The following MYO1D variants were observed in gnomAD, a reference collection of about 807,000 sequenced individuals.
MYO1D encodes the protein unconventional myosin-Id.
Under a neutral mutation model 122.0 loss-of-function variants are expected in MYO1D, and 83 were observed. That is an observed-to-expected ratio of 0.68 (90% CI 0.57 to 0.82). MYO1D has a LOEUF of 0.82. Ranked by LOEUF, MYO1D falls within the 40% of genes least tolerant of loss-of-function variation. MYO1D has a pLI of 0.00. For missense variants in MYO1D, 1,157 were observed against 1,269.5 expected, an observed-to-expected ratio of 0.91 and a Z score of 1.35; for synonymous variants, 464 against 446.9, an observed-to-expected ratio of 1.04 and a Z score of -0.48.
chr17:32,823,292 C>T (rs2090691277), intron 1 of MYO1D, among the ~76,000 whole-genome samples: 1 of 152,148 alleles, frequency 6.6e-6, no homozygotes, highest in Admixed American at 6.5e-5. Flanking sequence ...AGTGAGCACC[C>T]AGGGTCAGGG....
chr17:32,506,080 A>T (rs568610767), intron 21 of MYO1D, among the ~76,000 whole-genome samples: 1 of 152,264 alleles, frequency 6.6e-6, no homozygotes, highest in Admixed American at 6.5e-5. Context: ...ATAAGACAAG[A>T]CTTTTTCAGA....
At chr17:32,663,391 C>T (rs1396752927) in intron 16 of MYO1D, among the ~76,000 whole-genome samples, 2 of 152,114 alleles carry the variant, frequency 1.3e-5, no homozygotes, top group African/African-American at 4.8e-5. Flanking sequence ...GGACTGGTGT[C>T]CATGGTTTAT....
intron 1 of MYO1D, among the ~76,000 whole-genome samples, chr17:32,798,127 C>T (rs968059149): frequency 6.6e-5 from 10 of 152,172 alleles, no homozygotes; most frequent in East Asian, 1.9e-4. Context: ...GTAGGAAAAC[C>T]GGAAAGTTTC....
At chr17:32,818,497 TC>T (rs972937254) in intron 1 of MYO1D, among the ~76,000 whole-genome samples, 6 of 152,068 alleles carry the variant, frequency 3.9e-5, no homozygotes, top group African/African-American at 4.8e-5. Context: ...GGCTCAAGGA[TC>T]AAAAAAATGG....
chr17:32,529,750 G>T (rs978982265), intron 21 of MYO1D: 3 of 152,296 alleles, frequency 2.0e-5, no homozygotes, highest in African/African-American at 7.2e-5. Flanking sequence ...GGCGGTGAGA[G>T]ATTTCCCGGA....
chr17:32,503,057 CCTT>C (rs1909371437), intron 21 of MYO1D, among the ~76,000 whole-genome samples: 1 of 152,198 alleles, frequency 6.6e-6, no homozygotes, highest in Non-Finnish European at 1.5e-5. Context: ...AAATTACTTT[CCTT>C]CATTTTTCAT....
intron 16 of MYO1D, among the ~76,000 whole-genome samples, chr17:32,705,213 G>A (rs2089291597): frequency 2.0e-5 from 3 of 152,060 alleles, no homozygotes; most frequent in East Asian, 1.9e-4. Context: ...TGTATACAGC[G>A]GGCTGACTGT....
intron 21 of MYO1D, among the ~76,000 whole-genome samples, chr17:32,544,827 C>A (rs928389625): frequency 3.3e-5 from 5 of 152,148 alleles, no homozygotes; most frequent in Non-Finnish European, 7.3e-5. Context: ...ATACTTACAA[C>A]CTTTACTATG....
chr17:32,661,655 CAAAA>C (rs11367680), intron 16 of MYO1D, among the ~76,000 whole-genome samples: 1 of 147,734 alleles, frequency 6.8e-6, no homozygotes, highest in Non-Finnish European at 1.5e-5. Context: ...GACCCTGTCC[CAAAA>C]AAAAAAAATA....
At chr17:32,656,160 G>A (rs146974090) in intron 17 of MYO1D, among the ~76,000 whole-genome samples, 1 of 152,292 alleles carries the variant, frequency 6.6e-6, no homozygotes, top group Admixed American at 6.5e-5. Flanking sequence ...GAGGTTGGAA[G>A]CAAACAGAGA....
At chr17:32,541,570 T>C (rs1910837597) in intron 21 of MYO1D, among the ~76,000 whole-genome samples, 1 of 152,234 alleles carries the variant, frequency 6.6e-6, no homozygotes, top group African/African-American at 2.4e-5. Flanking sequence ...GTGAATTGTA[T>C]GGTATGTGAA....
intron 1 of MYO1D, among the ~76,000 whole-genome samples, chr17:32,847,311 T>C (rs1239613937): frequency 6.6e-6 from 1 of 152,198 alleles, no homozygotes; most frequent in African/African-American, 2.4e-5. Flanking sequence ...GATTTTGGAA[T>C]CACAAGCATA....
Position 32,780,605 on chromosome 17 carries a change from C to G in MYO1D, c.275G>C (p.Arg92Pro), listed in dbSNP as rs779450199. 1 of 1,613,976 alleles carries G rather than the reference C, an allele frequency of 6.2e-7. No homozygotes were observed. The highest frequency in any genetic ancestry group is 8.5e-7 in the Non-Finnish European group (1 of 1,180,030). Residue 92 changes from arginine to proline, a missense_variant, in exon 2 of 22, where the codon CGA (arginine) becomes CCA (proline). By Grantham distance (103) the Arg-to-Pro change is moderately radical (BLOSUM62 -2). Coordinates refer to ENST00000318217, the MANE Select transcript of MYO1D (RefSeq NM_015194.3). ...TATCACAATACAAGTGTCTTTTGAT[C>G]GCCTCTTCATAGCCTTGTAAGCAGC... ...ADAAYKAMKR[R>P]SKDTCIVISG...
intron 14 of MYO1D, among the ~76,000 whole-genome samples, chr17:32,729,464 G>A (rs563028868): frequency 2.0e-5 from 3 of 152,210 alleles, no homozygotes; most frequent in East Asian, 1.9e-4. Context: ...AGCCAGGGAC[G>A]TCTACTTCTG....
intron 16 of MYO1D, among the ~76,000 whole-genome samples, chr17:32,674,770 T>C (rs1455882664): frequency 6.6e-6 from 1 of 152,176 alleles, no homozygotes; most frequent in South Asian, 2.1e-4. Context: ...CTGGCTCTTG[T>C]TGTAGGCATT....
intron 1 of MYO1D, among the ~76,000 whole-genome samples, chr17:32,839,540 T>C (rs549557052): frequency 1.6e-4 from 24 of 152,252 alleles, no homozygotes; most frequent in African/African-American, 5.8e-4. Flanking sequence ...GCTGTGAACC[T>C]GGAAACACTG....
At position 32,756,714 on chromosome 17, in the gene MYO1D, T is replaced by A. The variant is rs535060446; in HGVS notation, c.1297-1052A>T. Among the ~76,000 whole-genome samples the A allele has an allele frequency of 2.2e-4, 34 of 152,210 alleles. No individual in the cohort carries two copies. The South Asian group carries it at 6.6e-3, about 30-fold the overall frequency. ...ACAATTTGAAAAAATTCAGTAGAAT[T>A]TTTACATTTTTCTAGGCATAATATA... On this transcript the variant is annotated intron_variant, in intron 10 of 21. Coordinates refer to ENST00000318217, the MANE Select transcript of MYO1D (RefSeq NM_015194.3).
At chr17:32,636,904 G>A (rs914338665) in intron 20 of MYO1D, among the ~76,000 whole-genome samples, 2 of 152,246 alleles carry the variant, frequency 1.3e-5, no homozygotes, top group East Asian at 1.9e-4. Context: ...AATATGGTAT[G>A]GGAATACGAG....
intron 1 of MYO1D, among the ~76,000 whole-genome samples, chr17:32,814,356 C>A (rs576372600): frequency 2.7e-4 from 41 of 152,172 alleles, no homozygotes; most frequent in African/African-American, 8.9e-4. Context: ...AAAACAAAAA[C>A]AAAAACAAAA....
Sources: gnomAD v4.1 joint callset for allele counts (sites outside exome capture counted in the v4.1 genomes callset) on GRCh38, gnomAD v4.1.1 for gene constraint, MANE v1.5 for transcripts, NCBI Gene and HGNC (gene_info 2026-07-23, HGNC 2026-07-21) for gene names.